SEC61B: variants seen among roughly 807,000 people sequenced by gnomAD.
SEC61B encodes protein transport protein Sec61 subunit beta.
A neutral mutation model predicts 12.6 loss-of-function variants in SEC61B; 7 were observed. The observed-to-expected ratio is 0.55, with a 90% CI of 0.32 to 1.04. The LOEUF (loss-of-function observed/expected upper bound fraction) is 1.04, where lower values mean the gene tolerates loss of function less well. Among genes scored for constraint, SEC61B ranks in the 50% least tolerant of loss-of-function variants. The pLI is 0.05. For missense variants in SEC61B, 107 were observed against 130.1 expected (o/e 0.82, Z 0.86); for synonymous variants, 54 against 50.1 (o/e 1.08, Z -0.33).
chr9:99,227,047 C>A (rs1285715704), intron 2 of SEC61B, among the ~76,000 whole-genome samples: 1 of 152,018 alleles, frequency 6.6e-6, no homozygotes, highest in South Asian at 2.1e-4. Context: ...GCAGGCAGAT[C>A]ATGAGGTCAG....
At chr9:99,228,572 G>C (rs527256450) in intron 3 of SEC61B, among the ~76,000 whole-genome samples, 4 of 152,304 alleles carry the variant, frequency 2.6e-5, no homozygotes, top group Admixed American at 6.5e-5. Context: ...GGTGTCCAGG[G>C]ACCCCTGTCC....
At chr9:99,224,475 C>T (rs1167434471) in intron 2 of SEC61B, among the ~76,000 whole-genome samples, 1 of 152,052 alleles carries the variant, frequency 6.6e-6, no homozygotes, top group African/African-American at 2.4e-5. Flanking sequence ...GAAGTTTGGC[C>T]ATCCGAGAAT....
chr9:99,222,378 C>T lies in SEC61B; in HGVS notation c.3+12C>T. On this transcript the variant is annotated intron_variant, in intron 1 of 3. Transcript: ENST00000223641. ...TCATCTCCAATATGGTATGGCGGCC[C>T]TTCCATGATCCCCGCCTCTCCCAGA... 1 of 1,614,158 alleles carries T rather than the reference C, an allele frequency of 6.2e-7. No homozygotes were observed. The highest frequency in any genetic ancestry group is 8.5e-7 in the Non-Finnish European group (1 of 1,179,992).
Position 99,222,285 on chromosome 9 carries a change from C to T in SEC61B, c.-79C>T. 2.5e-6 allele frequency: 4 copies of T among 1,608,574 alleles called. No homozygotes were observed. Among genetic ancestry groups the T allele is most frequent in the East Asian group, 2.2e-5 (1 of 44,844 alleles). ...GTCCGGGGGCGGGGCCTGAGTCAGT[C>T]TCGCCAGCTGCCGGTCTTTCGGGGG... On this transcript the variant is annotated 5_prime_UTR_variant, in exon 1 of 4. Coordinates refer to ENST00000223641, the MANE Select transcript of SEC61B (RefSeq NM_006808.3).
chr9:99,226,107 C>T (rs1828891310), intron 2 of SEC61B, among the ~76,000 whole-genome samples: 1 of 152,204 alleles, frequency 6.6e-6, no homozygotes. Context: ...AATGGTCACA[C>T]AATGAAGTTT....
In SEC61B at chr9:99,228,140, G is replaced by T. The variant is rs536044061; in HGVS notation, c.203+140G>T. The T allele has an allele frequency of 1.9e-4, 118 of 621,796 alleles. No individual in the cohort carries two copies. The African/African-American group carries it at 1.9e-3, about 10-fold the overall frequency. The allele number at this position is 621,796 out of a possible 1,614,324, so 38.5% of individuals were successfully genotyped here. On this transcript the variant is annotated intron_variant, in intron 3 of 3. Transcript: ENST00000223641. ...AGCCTCATTTGTGCCAGGCGGACTGGGTTTGGTTTGCCTGTTTATCAACCG... is the reference window on the plus strand; with the variant it reads ...AGCCTCATTTGTGCCAGGCGGACTGTGTTTGGTTTGCCTGTTTATCAACCG...
In SEC61B at chr9:99,227,941, C is replaced by T. The variant is rs541323909; in HGVS notation, c.144C>T (p.Thr48=). 5 of 1,614,180 alleles carry T rather than the reference C, an allele frequency of 3.1e-6. No homozygotes were observed. In the African/African-American group the frequency reaches 5.3e-5, roughly 17 times the overall value. Reference sequence around the variant, plus strand: ...GGACAAGGAGTGCAGGCCGCACAACCTCGGCAGGCACCGGGGGGATGTGGC... The same window carrying T: ...GGACAAGGAGTGCAGGCCGCACAACTTCGGCAGGCACCGGGGGGATGTGGC... ...SCGTRSAGRT[T]SAGTGGMWRF... is the part of the protein sequence containing the mutation. Residue 48 remains threonine, a synonymous_variant, in exon 3 of 4, where the codon ACC becomes ACT. Coordinates refer to ENST00000223641, the MANE Select transcript of SEC61B (RefSeq NM_006808.3).
intron 2 of SEC61B, among the ~76,000 whole-genome samples, chr9:99,225,361 A>G (rs1238518664): frequency 2.6e-5 from 4 of 152,232 alleles, no homozygotes; most frequent in Non-Finnish European, 5.9e-5. Context: ...GGGTGTTCAC[A>G]GTAGGTAATA....
rs745797621 is a variant in SEC61B at position 99,227,974 on chromosome 9, C to T, written c.177C>T (p.Tyr59=). 6 of 1,613,986 alleles carry T rather than the reference C, an allele frequency of 3.7e-6. No homozygotes were observed. The highest frequency in any genetic ancestry group is 1.1e-5 in the South Asian group (1 of 91,056). ...GCACCGGGGGGATGTGGCGATTCTACACAGAAGATTCACCTGGGCTCAAAG... is the reference window on the plus strand; with the variant it reads ...GCACCGGGGGGATGTGGCGATTCTATACAGAAGATTCACCTGGGCTCAAAG... ...SAGTGGMWRF[Y]TEDSPGLKVG... Residue 59 remains tyrosine, a synonymous_variant, in exon 3 of 4, where the codon TAC becomes TAT. Coordinates refer to ENST00000223641, the MANE Select transcript of SEC61B (RefSeq NM_006808.3).
chr9:99,230,349 A>G lies in SEC61B; in HGVS notation c.216A>G (p.Pro72=). 1.9e-6 allele frequency: 3 copies of G among 1,605,262 alleles called. No homozygotes were observed. Among genetic ancestry groups the G allele is most frequent in the Non-Finnish European group, 1.7e-6 (2 of 1,174,496 alleles). ...DSPGLKVGPV[P]VLVMSLLFIA... is the part of the protein sequence containing the mutation. Reference sequence around the variant, plus strand: ...TTCTTATTTCTAGTGGCCCTGTTCCAGTATTGGTTATGAGTCTTCTGTTCA... The same window carrying G: ...TTCTTATTTCTAGTGGCCCTGTTCCGGTATTGGTTATGAGTCTTCTGTTCA... Residue 72 remains proline, a synonymous_variant, in exon 4 of 4, where the codon CCA becomes CCG. Coordinates refer to ENST00000223641, the MANE Select transcript of SEC61B (RefSeq NM_006808.3).
At chr9:99,228,502 CA>C (rs1828925689) in intron 3 of SEC61B, among the ~76,000 whole-genome samples, 1 of 152,138 alleles carries the variant, frequency 6.6e-6, no homozygotes, top group Admixed American at 6.5e-5. Context: ...GGAGGGTGAA[CA>C]TGTAATACCA....
At chr9:99,226,051 C>G (rs2119018388) in intron 2 of SEC61B, among the ~76,000 whole-genome samples, 2 of 152,344 alleles carry the variant, frequency 1.3e-5, no homozygotes, top group Admixed American at 1.3e-4. Context: ...TTCTGTAAAT[C>G]CCTGTACAGT....
chr9:99,227,851 C>A, intron 2 of SEC61B, 48 bp from the exon 3 acceptor site: 1 of 1,323,844 alleles, frequency 7.6e-7, no homozygotes, highest in Non-Finnish European at 1.1e-6. Context: ...TAATGCTATT[C>A]TAATAATTTC....
intron 2 of SEC61B, among the ~76,000 whole-genome samples, chr9:99,223,414 G>T (rs62562375): frequency 6.7e-6 from 1 of 149,438 alleles, no homozygotes; most frequent in East Asian, 1.9e-4. Flanking sequence ...TTTTTTTTGG[G>T]ATGGAATCTC....
At chr9:99,227,577 G>C (rs1415172065) in intron 2 of SEC61B, among the ~76,000 whole-genome samples, 1 of 152,136 alleles carries the variant, frequency 6.6e-6, no homozygotes, top group Non-Finnish European at 1.5e-5. Flanking sequence ...TGGGCTCCAG[G>C]GTCAGAGCTA....
At chr9:99,228,076 C>T (rs1588623427) in intron 3 of SEC61B, 76 bp downstream of exon 3, 1 of 1,143,150 alleles carries the variant, frequency 8.7e-7, no homozygotes, top group Non-Finnish European at 1.3e-6. Context: ...GTCTCTGTCA[C>T]CAGTAGCGTT....
chr9:99,226,326 C>G (rs1313490741), intron 2 of SEC61B, among the ~76,000 whole-genome samples: 1 of 152,196 alleles, frequency 6.6e-6, no homozygotes, highest in Non-Finnish European at 1.5e-5. Flanking sequence ...TTCCTGCATT[C>G]AGAATGTGGA....
At chr9:99,222,880 G>A (rs1359445406) in intron 2 of SEC61B, 2 of 438,808 alleles carry the variant, frequency 4.6e-6, no homozygotes, top group Middle Eastern at 5.6e-4. Flanking sequence ...AATAGAGTCA[G>A]AGATAACTTT....
chr9:99,226,286 A>G (rs1019352424), intron 2 of SEC61B, among the ~76,000 whole-genome samples: 1 of 152,188 alleles, frequency 6.6e-6, no homozygotes, highest in East Asian at 1.9e-4. Context: ...GTCATGTAGC[A>G]GGGCAGGCTC....
Sources: allele counts gnomAD v4.1 joint callset (sites outside exome capture counted in the v4.1 genomes callset), GRCh38; gene constraint gnomAD v4.1.1; transcripts MANE v1.5; gene names NCBI Gene and HGNC (gene_info 2026-07-23, HGNC 2026-07-21).